SCARA3: variants seen among roughly 807,000 people sequenced by gnomAD.
The protein encoded by SCARA3 is scavenger receptor class A member 3.
A neutral mutation model predicts 47.0 loss-of-function variants in SCARA3; 39 were observed. The ratio of observed to expected loss-of-function variants is 0.83; its 90% confidence interval spans 0.64 to 1.08. The LOEUF (loss-of-function observed/expected upper bound fraction) is 1.08. Among genes scored for constraint, SCARA3 ranks in the 50% least tolerant of loss-of-function variants. The pLI, the probability that SCARA3 is intolerant of heterozygous loss-of-function variation, is 0.00. For synonymous variants in SCARA3, 356 were observed against 334.1 expected, an observed-to-expected ratio of 1.07 and a Z score of -0.71; for missense variants, 724 against 792.3, an observed-to-expected ratio of 0.91 and a Z score of 1.04.
In SCARA3 at chr8:27,634,423, C is replaced by T. The variant is rs1585266175; in HGVS notation, c.7+216C>T. Among the ~76,000 whole-genome samples, 8 of 152,278 alleles carry T rather than the reference C, an allele frequency of 5.3e-5. No homozygotes were observed. In the South Asian group the frequency reaches 1.4e-3, roughly 28 times the overall value. On this transcript the variant is annotated intron_variant, in intron 1 of 5. Coordinates refer to ENST00000301904, the MANE Select transcript of SCARA3 (RefSeq NM_016240.3). ...AGGGAGGATGGGGACACTCACACAC[C>T]CCCCCTTGCAGTCCTGTTCTCATCG... is the stretch of plus-strand genomic sequence containing the variant.
the SCARA3 span, among the ~76,000 whole-genome samples, chr8:27,716,984 C>A: frequency 1.3e-5 from 2 of 152,060 alleles, no homozygotes; most frequent in African/African-American, 4.8e-5. Flanking sequence ...GTCTAATCGC[C>A]AGAAAATAGT....
chr8:27,689,394 G>A, the SCARA3 span, among the ~76,000 whole-genome samples: 1 of 152,180 alleles, frequency 6.6e-6, no homozygotes, highest in Non-Finnish European at 1.5e-5. Flanking sequence ...GAAGGGAAAC[G>A]GGAGCGGCTG....
chr8:27,721,041 G>A, the SCARA3 span, among the ~76,000 whole-genome samples: 3 of 151,450 alleles, frequency 2.0e-5, no homozygotes, highest in Non-Finnish European at 1.5e-5. Context: ...ATCCATTCAT[G>A]CACCTATTAT....
the SCARA3 span, among the ~76,000 whole-genome samples, chr8:27,716,176 G>A: frequency 6.6e-6 from 1 of 152,112 alleles, no homozygotes; most frequent in Non-Finnish European, 1.5e-5. Context: ...AGCTGGGTGT[G>A]GTGGTGCATG....
At chr8:27,655,945 A>G (rs1197989568) in intron 3 of SCARA3, among the ~76,000 whole-genome samples, 1 of 152,228 alleles carries the variant, frequency 6.6e-6, no homozygotes, top group Non-Finnish European at 1.5e-5. Context: ...AAGAAAGTAC[A>G]GTAGTCCCCG....
chr8:27,643,619 A>G (rs957781083), intron 1 of SCARA3, among the ~76,000 whole-genome samples: 1 of 152,212 alleles, frequency 6.6e-6, no homozygotes, highest in Non-Finnish European at 1.5e-5. Context: ...GCGTTCTCCA[A>G]CCTTAAACTA....
At chr8:27,693,671 A>G in the SCARA3 span, among the ~76,000 whole-genome samples, 9 of 152,210 alleles carry the variant, frequency 5.9e-5, no homozygotes, top group African/African-American at 1.7e-4. Context: ...TATACCCCTC[A>G]GCATTAACAT....
In SCARA3 at chr8:27,672,019, A is replaced by G. The variant is rs1802178223; in HGVS notation, c.*668A>G. 1.0e-6 allele frequency: 1 copy of G among 985,124 alleles called. No homozygotes were observed. The highest frequency in any genetic ancestry group is 1.2e-6 in the Non-Finnish European group (1 of 829,896). The allele number at this position is 985,124 out of a possible 1,614,324, so 61.0% of individuals were successfully genotyped here. On this transcript the variant is annotated 3_prime_UTR_variant, in exon 6 of 6. Coordinates refer to ENST00000301904, the MANE Select transcript of SCARA3 (RefSeq NM_016240.3). ...TTTCCCAGGGCTCCCTGGGGTTGAAAAGCCCCAAGGAAACCTTTGCGGGTG... is the reference window on the plus strand; with the variant it reads ...TTTCCCAGGGCTCCCTGGGGTTGAAGAGCCCCAAGGAAACCTTTGCGGGTG...
At position 27,659,483 on chromosome 8, in the gene SCARA3, T is replaced by C; in HGVS notation, c.1313T>C (p.Met438Thr). ...VRNLSMIVEE[M>T]KAVDTQHGEI... ...AACCTCTCCATGATCGTGGAGGAGATGAAGGCAGTGGACACACAGCATGGA... is the reference window on the plus strand; with the variant it reads ...AACCTCTCCATGATCGTGGAGGAGACGAAGGCAGTGGACACACAGCATGGA... The change falls in exon 5 of 6, where the codon ATG becomes ACG. Residue 438 changes from methionine to threonine, a missense_variant. Transcript: ENST00000301904. 6.2e-7 allele frequency: 1 copy of C among 1,613,954 alleles called. No homozygotes were observed. Among genetic ancestry groups the C allele is most frequent in the Non-Finnish European group, 8.5e-7 (1 of 1,179,952 alleles).
At chr8:27,680,663 T>A (rs1802343055), downstream of SCARA3, among the ~76,000 whole-genome samples, 1 of 151,976 alleles carries the variant, frequency 6.6e-6, no homozygotes, top group Non-Finnish European at 1.5e-5. Flanking sequence ...TTCAAAAGAG[T>A]AGGAAACCAG....
At chr8:27,644,728 CATG>C (rs1399279254) in intron 1 of SCARA3, among the ~76,000 whole-genome samples, 2 of 152,060 alleles carry the variant, frequency 1.3e-5, no homozygotes, top group African/African-American at 4.8e-5. Context: ...CCTATCATAA[CATG>C]ATGATTTCAT....
rs759066891 is a variant in SCARA3, at chr8:27,659,446, C to T, written c.1276C>T (p.Leu426Phe). ...CAGCCTGCTCAGTGCCCGGCTGGACCTCAACGTCCGGAACCTCTCCATGAT... is the reference window on the plus strand; with the variant it reads ...CAGCCTGCTCAGTGCCCGGCTGGACTTCAACGTCCGGAACCTCTCCATGAT... ...RFSLLSARLDLNVRNLSMIVE... is the reference protein window; with the variant it reads ...RFSLLSARLDFNVRNLSMIVE... Residue 426 changes from leucine to phenylalanine, a missense_variant, in exon 5 of 6, where the codon CTC becomes TTC. Transcript: ENST00000301904. 19 of 1,613,936 alleles carry T rather than the reference C, an allele frequency of 1.2e-5. No individual in the cohort carries two copies. Among genetic ancestry groups the T allele is most frequent in the Non-Finnish European group, 1.5e-5 (18 of 1,179,930 alleles).
downstream of SCARA3, among the ~76,000 whole-genome samples, chr8:27,674,724 T>TC (rs1195895485): frequency 8.0e-6 from 1 of 124,592 alleles, no homozygotes; most frequent in Non-Finnish European, 1.8e-5. Context: ...CTTTTCTCTC[T>TC]CTTTTTTTTT....
At chr8:27,710,975 T>TG in the SCARA3 span, among the ~76,000 whole-genome samples, 1 of 142,640 alleles carries the variant, frequency 7.0e-6, no homozygotes, top group Non-Finnish European at 1.5e-5. Context: ...CAGGCTGGAG[T>TG]GCAGTGGCAC....
the SCARA3 span, among the ~76,000 whole-genome samples, chr8:27,688,723 G>A: frequency 6.6e-6 from 1 of 152,094 alleles, no homozygotes; most frequent in Admixed American, 6.5e-5. Context: ...TATGGCTATA[G>A]GGGCATTCAG....
At chr8:27,636,456 A>C (rs906489487) in intron 1 of SCARA3, among the ~76,000 whole-genome samples, 3 of 152,174 alleles carry the variant, frequency 2.0e-5, no homozygotes, top group Non-Finnish European at 4.4e-5. Flanking sequence ...GAATTTATTT[A>C]AAAAAAGAGG....
At chr8:27,692,922 C>T in the SCARA3 span, among the ~76,000 whole-genome samples, 3 of 151,984 alleles carry the variant, frequency 2.0e-5, no homozygotes, top group Non-Finnish European at 4.4e-5. Flanking sequence ...GCCAGGAGAT[C>T]GAGACCAGCT....
chr8:27,676,424 G>A, downstream of SCARA3: 1 of 743,084 alleles, frequency 1.3e-6, no homozygotes, highest in Non-Finnish European at 2.2e-6. Flanking sequence ...AGGAAGCCAG[G>A]TGCTGACCTC....
the SCARA3 span, among the ~76,000 whole-genome samples, chr8:27,711,698 G>A: frequency 6.6e-6 from 1 of 151,924 alleles, no homozygotes; most frequent in African/African-American, 2.4e-5. Context: ...TTATTAATGT[G>A]TTTAAAATAA....
Sources: allele counts gnomAD v4.1 joint callset (sites outside exome capture counted in the v4.1 genomes callset), GRCh38; gene constraint gnomAD v4.1.1; transcripts MANE v1.5; gene names NCBI Gene and HGNC (gene_info 2026-07-23, HGNC 2026-07-21).